The following WDR17 variants were observed in gnomAD, a reference collection of about 807,000 sequenced individuals.
WDR17 encodes WD repeat domain 17.
Under a neutral mutation model 161.7 loss-of-function variants are expected in WDR17, and 143 were observed. The observed-to-expected ratio is 0.88, with a 90% CI of 0.77 to 1.02. The LOEUF is 1.02. Ranked by LOEUF, WDR17 falls within the 50% of genes least tolerant of loss-of-function variation. WDR17 has a pLI of 0.00. For synonymous variants in WDR17, 517 were observed against 515.6 expected (o/e 1.00, Z -0.04); for missense variants, 1,469 against 1,520.9 (o/e 0.97, Z 0.57).
intron 6 of WDR17, 89 bp downstream of exon 6, chr4:176,128,949 TA>T (rs1742932449): frequency 8.2e-7 from 1 of 1,226,334 alleles, no homozygotes; most frequent in Non-Finnish European, 1.1e-6. Flanking sequence ...TCAAATACTA[TA>T]TGCCACTGAA....
At chr4:176,113,337 T>C (rs1019778174) in intron 2 of WDR17, among the ~76,000 whole-genome samples, 1 of 152,124 alleles carries the variant, frequency 6.6e-6, no homozygotes, top group Non-Finnish European at 1.5e-5. Context: ...GATGAAGCCA[T>C]AACTTAATTT....
At chr4:176,110,567 TG>T (rs1267124299) in intron 1 of WDR17, among the ~76,000 whole-genome samples, 3 of 152,222 alleles carry the variant, frequency 2.0e-5, no homozygotes, top group Non-Finnish European at 4.4e-5. Context: ...TTTAATACTC[TG>T]CACAAATGTG....
At chr4:176,162,301 TTAAG>T (rs1749153917) in intron 21 of WDR17, 127 bp downstream of exon 21, 1 of 703,654 alleles carries the variant, frequency 1.4e-6, no homozygotes, top group Non-Finnish European at 2.3e-6. Flanking sequence ...GCCTGAGTAA[TTAAG>T]TAATTACATT....
intron 1 of WDR17, among the ~76,000 whole-genome samples, chr4:176,069,297 A>T (rs1423028297): frequency 6.6e-6 from 1 of 151,966 alleles, no homozygotes; most frequent in Non-Finnish European, 1.5e-5. Context: ...ATTATGTTAA[A>T]TGTACTTACA....
At chr4:176,088,478 A>G (rs887231837) in intron 1 of WDR17, among the ~76,000 whole-genome samples, 1 of 152,060 alleles carries the variant, frequency 6.6e-6, no homozygotes, top group Non-Finnish European at 1.5e-5. Context: ...CAGCTGCACT[A>G]TTTTTTCTTG....
At chr4:176,165,646 G>A (rs971375122) in intron 22 of WDR17, among the ~76,000 whole-genome samples, 4 of 152,050 alleles carry the variant, frequency 2.6e-5, no homozygotes, top group African/African-American at 4.8e-5. Flanking sequence ...TAAGAAAATC[G>A]TAAGGAAGAG....
Position 176,146,047 on chromosome 4 carries a change from G to A in WDR17, c.1582G>A (p.Ala528Thr). The change falls in exon 12 of 29, where the codon GCC becomes ACC. Residue 528 changes from alanine to threonine, a missense_variant. Ala to Thr is a moderately conservative substitution (Grantham distance 58). Coordinates refer to ENST00000508596, the MANE Select transcript of WDR17 (RefSeq NM_181265.4). ...CACAAATGTTCGTGTTTATTATGTA[G>A]CCACCAGCTCAGATCAACCATTGAA... ...EDTNVRVYYVATSSDQPLKVF... is the reference protein window; with the variant it reads ...EDTNVRVYYVTTSSDQPLKVF... The A allele has an allele frequency of 6.2e-7, 1 of 1,613,892 alleles. No individual in the cohort carries two copies. The highest frequency in any genetic ancestry group is 8.5e-7 in the Non-Finnish European group (1 of 1,179,898).
chr4:176,124,321 CA>C (rs1358482380), intron 4 of WDR17, among the ~76,000 whole-genome samples: 2 of 152,100 alleles, frequency 1.3e-5, no homozygotes, highest in Non-Finnish European at 1.5e-5. Flanking sequence ...CAGTTGTGTA[CA>C]TAAATTACAA....
intron 1 of WDR17, among the ~76,000 whole-genome samples, chr4:176,072,254 A>G (rs1733340991): frequency 6.6e-6 from 1 of 152,240 alleles, no homozygotes; most frequent in African/African-American, 2.4e-5. Context: ...TTAATCTCAG[A>G]CAGTAGAAGA....
At chr4:176,118,634 C>T (rs1741035334) in intron 3 of WDR17, among the ~76,000 whole-genome samples, 1 of 152,124 alleles carries the variant, frequency 6.6e-6, no homozygotes, top group Admixed American at 6.6e-5. Context: ...GGAAATACTG[C>T]TTATTCCATG....
At chr4:176,107,682 T>C (rs1738975014) in intron 1 of WDR17, among the ~76,000 whole-genome samples, 1 of 152,068 alleles carries the variant, frequency 6.6e-6, no homozygotes, top group Non-Finnish European at 1.5e-5. Flanking sequence ...TGCCCATTTT[T>C]GAATCAGATA....
rs545783143 is a variant in WDR17, at chr4:176,161,783, C to T, written c.2751-292C>T. Reference sequence around the variant, plus strand: ...TTCAATTTGACCTGTAATTCTTCTACGCTTAACTTCCCCTGTGGCTGAATC... The same window carrying T: ...TTCAATTTGACCTGTAATTCTTCTATGCTTAACTTCCCCTGTGGCTGAATC... On this transcript the variant is annotated intron_variant, in intron 20 of 28. Coordinates refer to ENST00000508596, the MANE Select transcript of WDR17 (RefSeq NM_181265.4). 3.9e-5 allele frequency among the ~76,000 whole-genome samples: 6 copies of T among 152,268 alleles called. No individual in the cohort carries two copies. The East Asian group carries it at 5.8e-4, about 15-fold the overall frequency.
At chr4:176,066,456 C>G (rs1732540876) in intron 1 of WDR17, among the ~76,000 whole-genome samples, 2 of 152,054 alleles carry the variant, frequency 1.3e-5, no homozygotes, top group South Asian at 2.1e-4. Context: ...GATCATTTAC[C>G]CCTTTGAAGA....
intron 1 of WDR17, among the ~76,000 whole-genome samples, chr4:176,105,714 C>G (rs1025556624): frequency 6.6e-5 from 10 of 152,080 alleles, no homozygotes; most frequent in Non-Finnish European, 1.3e-4. Context: ...GCAGTGGAAT[C>G]AATGCCAGGG....
chr4:176,131,731 G>C lies in WDR17; in HGVS notation c.1091G>C (p.Arg364Thr). Residue 364 changes from arginine (R) to threonine (T), a missense_variant, in exon 7 of 29, where the codon AGA (arginine) becomes ACA (threonine). Coordinates refer to ENST00000508596, the MANE Select transcript of WDR17 (RefSeq NM_181265.4). Reference sequence around the variant, plus strand: ...GGAGCTAAGAAGTGGGATTTTCTTAGAGACTTGGTATGTATGTAGTCATTC... The same window carrying C: ...GGAGCTAAGAAGTGGGATTTTCTTACAGACTTGGTATGTATGTAGTCATTC... ...DMGAKKWDFL[R>T]DLGHVETIFD... The C allele has an allele frequency of 6.2e-7, 1 of 1,610,392 alleles. No individual in the cohort carries two copies. Among genetic ancestry groups the C allele is most frequent in the Non-Finnish European group, 8.5e-7 (1 of 1,178,476 alleles).
chr4:176,134,960 C>G lies in WDR17; in HGVS notation c.1099-148C>G, dbSNP rs1265164588. On this transcript the variant is annotated intron_variant, in intron 7 of 28. Coordinates refer to ENST00000508596, the MANE Select transcript of WDR17 (RefSeq NM_181265.4). ...AGAACATTCAATCACTGTAGTGATT[C>G]CAGTTTTCTGTTTTTCTTGCCTATA... 3.2e-5 allele frequency: 23 copies of G among 723,572 alleles called. No individual in the cohort carries two copies. In the South Asian group the frequency reaches 4.3e-4, roughly 13 times the overall value. The allele number at this position is 723,572 out of a possible 1,614,324, so 44.8% of individuals were successfully genotyped here.
intron 9 of WDR17, among the ~76,000 whole-genome samples, chr4:176,139,386 T>A (rs1200463868): frequency 2.6e-5 from 4 of 151,922 alleles, no homozygotes; most frequent in Non-Finnish European, 4.4e-5. Context: ...CAAGCAAATA[T>A]AAAGTGATTT....
intron 9 of WDR17, 33 bp downstream of exon 9, chr4:176,137,644 ATGTT>A: frequency 7.6e-7 from 1 of 1,309,124 alleles, no homozygotes; most frequent in Non-Finnish European, 1.1e-6. Context: ...GAATAATATA[ATGTT>A]TTATACTATT....
chr4:176,141,917 C>T, intron 10 of WDR17, 66 bp from the exon 11 acceptor site: 1 of 1,243,036 alleles, frequency 8.0e-7, no homozygotes, highest in Non-Finnish European at 1.1e-6. Context: ...ACAATTCTGA[C>T]TTTGTTTCCT....
Sources: gnomAD v4.1 joint callset for allele counts (sites outside exome capture counted in the v4.1 genomes callset) on GRCh38, gnomAD v4.1.1 for gene constraint, MANE v1.5 for transcripts, NCBI Gene and HGNC (gene_info 2026-07-23, HGNC 2026-07-21) for gene names.